ERC2: variants seen among roughly 807,000 people sequenced by gnomAD.
The protein encoded by ERC2 is ELKS/RAB6-interacting/CAST family member 2.
ERC2 carries 42 observed loss-of-function variants against 114.8 expected under a neutral mutation model. The observed-to-expected ratio is 0.37, with a 90% CI of 0.29 to 0.47. The LOEUF (loss-of-function observed/expected upper bound fraction) is 0.47. Ranked by LOEUF, ERC2 falls within the 20% of genes least tolerant of loss-of-function variation. The pLI, the probability that ERC2 is intolerant of heterozygous loss-of-function variation, is 0.99. For missense variants in ERC2, 939 were observed against 1,150.7 expected, an observed-to-expected ratio of 0.82 and a Z score of 2.66; for synonymous variants, 454 against 425.5, an observed-to-expected ratio of 1.07 and a Z score of -0.82.
intron 7 of ERC2, among the ~76,000 whole-genome samples, chr3:56,044,769 C>G (rs2075376500): frequency 6.6e-6 from 1 of 152,138 alleles, no homozygotes; most frequent in African/African-American, 2.4e-5. Flanking sequence ...TTTTTGGACT[C>G]TTGCATCTAC....
At chr3:55,512,624 A>ATGGGGAAACGAG (rs11268953) in intron 17 of ERC2, among the ~76,000 whole-genome samples, 2,178 of 152,328 alleles carry the variant, frequency 0.014, 50 homozygotes, top group African/African-American at 0.049. Flanking sequence ...TGTTTTACAG[A>ATGGGGAAACGAG]TGAAAAATAA....
chr3:55,941,539 C>T (rs1171031088), intron 13 of ERC2, among the ~76,000 whole-genome samples: 1 of 152,220 alleles, frequency 6.6e-6, no homozygotes, highest in Non-Finnish European at 1.5e-5. Context: ...CCACTTCCCT[C>T]CCTTTCTGAG....
chr3:56,419,107 G>A (rs534154984), intron 2 of ERC2, among the ~76,000 whole-genome samples: 29 of 152,288 alleles, frequency 1.9e-4, no homozygotes, highest in African/African-American at 6.7e-4. Flanking sequence ...TCACAAGATG[G>A]TAATGGGACA....
intron 9 of ERC2, among the ~76,000 whole-genome samples, chr3:56,008,518 G>A (rs1303994639): frequency 1.3e-5 from 2 of 152,136 alleles, no homozygotes; most frequent in Non-Finnish European, 2.9e-5. Context: ...TTGTCATGGT[G>A]AAGACATATC....
At chr3:56,154,848 T>C (rs750271372) in intron 4 of ERC2, among the ~76,000 whole-genome samples, 3 of 152,058 alleles carry the variant, frequency 2.0e-5, no homozygotes, top group Non-Finnish European at 4.4e-5. Context: ...GAGTGAAAAG[T>C]TGTCATTATT....
At chr3:55,904,372 G>GA (rs928850917) in intron 13 of ERC2, among the ~76,000 whole-genome samples, 8 of 152,274 alleles carry the variant, frequency 5.3e-5, no homozygotes, top group Non-Finnish European at 1.0e-4. Context: ...CCCCCTGATC[G>GA]AAAATACAGC....
At chr3:55,703,125 C>T (rs2063311137) in intron 15 of ERC2, among the ~76,000 whole-genome samples, 1 of 152,194 alleles carries the variant, frequency 6.6e-6, no homozygotes, top group African/African-American at 2.4e-5. Flanking sequence ...TAACAGCTCT[C>T]CTGCTGCACT....
intron 14 of ERC2, among the ~76,000 whole-genome samples, chr3:55,833,147 A>C (rs1224111138): frequency 6.7e-6 from 1 of 150,100 alleles, no homozygotes; most frequent in East Asian, 1.9e-4. Context: ...TGTACCTGAA[A>C]GTGACGGGGA....
chr3:56,332,206 G>T (rs145220783), intron 2 of ERC2, among the ~76,000 whole-genome samples: 1 of 152,000 alleles, frequency 6.6e-6, no homozygotes, highest in Non-Finnish European at 1.5e-5. Context: ...ACATATGCAC[G>T]CATGCACATA....
intron 13 of ERC2, among the ~76,000 whole-genome samples, chr3:55,892,737 T>C (rs566192407): frequency 4.8e-4 from 73 of 152,338 alleles, no homozygotes; most frequent in African/African-American, 1.7e-3. Flanking sequence ...TATAAATATA[T>C]ACATAATTGT....
At chr3:56,350,523 G>A (rs1343234977) in intron 2 of ERC2, among the ~76,000 whole-genome samples, 1 of 152,012 alleles carries the variant, frequency 6.6e-6, no homozygotes, top group Non-Finnish European at 1.5e-5. Context: ...CCAGTATGAA[G>A]ACAAATCAAA....
At chr3:56,293,256 A>G (rs1246953674) in intron 3 of ERC2, among the ~76,000 whole-genome samples, 1 of 152,236 alleles carries the variant, frequency 6.6e-6, no homozygotes, top group Admixed American at 6.5e-5. Flanking sequence ...TAATACACAC[A>G]TAATCATAAT....
intron 3 of ERC2, among the ~76,000 whole-genome samples, chr3:56,276,035 T>C (rs1428379629): frequency 1.3e-5 from 2 of 152,194 alleles, no homozygotes; most frequent in African/African-American, 4.8e-5. Context: ...AAACTTGCAC[T>C]GGAGTTAAAG....
At chr3:55,845,972 T>C (rs2061345760) in intron 14 of ERC2, among the ~76,000 whole-genome samples, 1 of 152,256 alleles carries the variant, frequency 6.6e-6, no homozygotes. Context: ...AAATGACTTC[T>C]TACAAGGATT....
chr3:55,652,447 C>G (rs1312042094), intron 17 of ERC2, among the ~76,000 whole-genome samples: 1 of 152,220 alleles, frequency 6.6e-6, no homozygotes, highest in Non-Finnish European at 1.5e-5. Flanking sequence ...ACACACCTGA[C>G]CAGATGCCTG....
intron 17 of ERC2, among the ~76,000 whole-genome samples, chr3:55,655,307 T>C (rs1425106964): frequency 6.6e-6 from 1 of 152,054 alleles, no homozygotes; most frequent in African/African-American, 2.4e-5. Flanking sequence ...TGTCATGTAG[T>C]ACAAAGAAGA....
chr3:56,393,150 C>G (rs1355721416), intron 2 of ERC2, among the ~76,000 whole-genome samples: 1 of 152,354 alleles, frequency 6.6e-6, no homozygotes, highest in South Asian at 2.1e-4. Context: ...ATAATCCCAG[C>G]ACTTTGGGAG....
At chr3:56,120,102 T>G (rs2079488840) in intron 6 of ERC2, among the ~76,000 whole-genome samples, 1 of 152,072 alleles carries the variant, frequency 6.6e-6, no homozygotes, top group South Asian at 2.1e-4. Flanking sequence ...TATTGCAAAA[T>G]AATTTCTTAA....
At chr3:55,572,035 C>T (rs1218424726) in intron 17 of ERC2, among the ~76,000 whole-genome samples, 1 of 152,238 alleles carries the variant, frequency 6.6e-6, no homozygotes, top group Non-Finnish European at 1.5e-5. Context: ...TCCTGCCACC[C>T]GCAGGGTCTG....
Sources: allele counts gnomAD v4.1 joint callset (sites outside exome capture counted in the v4.1 genomes callset), GRCh38; gene constraint gnomAD v4.1.1; transcripts MANE v1.5; gene names NCBI Gene and HGNC (gene_info 2026-07-23, HGNC 2026-07-21).